The following TRHDE variants were observed in gnomAD, a reference collection of about 807,000 sequenced individuals.
TRHDE encodes the protein thyrotropin-releasing hormone-degrading ectoenzyme.
A neutral mutation model predicts 125.7 loss-of-function variants in TRHDE; 72 were observed. The observed-to-expected ratio is 0.57, with a 90% confidence interval of 0.47 to 0.70. TRHDE has a LOEUF of 0.70. Among genes scored for constraint, TRHDE ranks in the 30% least tolerant of loss-of-function variants. The probability of loss-of-function intolerance (pLI) is 0.00; values close to 1 mark genes in which losing one functional copy is unlikely to be tolerated. For synonymous variants in TRHDE, 509 were observed against 509.1 expected, an observed-to-expected ratio of 1.00 and a Z score of 0.00; for missense variants, 1,110 against 1,327.1, an observed-to-expected ratio of 0.84 and a Z score of 2.54.
At chr12:72,580,511 G>A (rs1871176180) in intron 12 of TRHDE, among the ~76,000 whole-genome samples, 1 of 152,196 alleles carries the variant, frequency 6.6e-6, no homozygotes, top group Admixed American at 6.5e-5. Context: ...GCATGATCTT[G>A]TCTCACTGCA....
chr12:72,444,983 T>C (rs1366659501), intron 3 of TRHDE, among the ~76,000 whole-genome samples: 1 of 151,940 alleles, frequency 6.6e-6, no homozygotes, highest in Non-Finnish European at 1.5e-5. Flanking sequence ...CATGATTCTC[T>C]CAGCCTGCTT....
intron 2 of TRHDE, among the ~76,000 whole-genome samples, chr12:72,165,957 G>A (rs967467548): frequency 2.6e-5 from 4 of 152,108 alleles, no homozygotes; most frequent in Admixed American, 2.6e-4. Context: ...TTACAGGTGT[G>A]AGCCACCGCC....
chr12:72,370,162 T>A (rs957981508), intron 2 of TRHDE, among the ~76,000 whole-genome samples: 6 of 152,142 alleles, frequency 3.9e-5, no homozygotes, highest in Admixed American at 3.9e-4. Flanking sequence ...ACAGATAAGG[T>A]GAATGATTGT....
chr12:72,199,944 A>G (rs1321405847), intron 2 of TRHDE, among the ~76,000 whole-genome samples: 3 of 152,140 alleles, frequency 2.0e-5, no homozygotes, highest in Admixed American at 6.5e-5. Flanking sequence ...AATTTGGTCA[A>G]TTGTGAAATT....
At chr12:72,268,527 A>G (rs1378113564), upstream of TRHDE, among the ~76,000 whole-genome samples, 1 of 152,088 alleles carries the variant, frequency 6.6e-6, no homozygotes, top group Non-Finnish European at 1.5e-5. Context: ...ACAATAGAGG[A>G]AGATGAAGGT....
intron 7 of TRHDE, among the ~76,000 whole-genome samples, chr12:72,542,825 T>G (rs1046582926): frequency 6.6e-6 from 1 of 151,316 alleles, no homozygotes; most frequent in Admixed American, 6.6e-5. Context: ...TTTAATTGTT[T>G]TTATTTTAAT....
chr12:72,237,469 G>C (rs1878356883), intron 2 of TRHDE, among the ~76,000 whole-genome samples: 1 of 152,168 alleles, frequency 6.6e-6, no homozygotes, highest in Non-Finnish European at 1.5e-5. Flanking sequence ...CTATAACATT[G>C]TGTGGCATTT....
chr12:72,176,275 G>C (rs1876984977), intron 2 of TRHDE, among the ~76,000 whole-genome samples: 1 of 152,182 alleles, frequency 6.6e-6, no homozygotes, highest in African/African-American at 2.4e-5. Context: ...GGAAGCCTAG[G>C]TAAGAGGATC....
At chr12:72,318,346 A>G (rs1379467330) in intron 2 of TRHDE, among the ~76,000 whole-genome samples, 2 of 152,204 alleles carry the variant, frequency 1.3e-5, no homozygotes, top group Admixed American at 6.5e-5. Context: ...GAAGGCAGAT[A>G]AGTGCAGGCA....
At chr12:72,591,332 T>C (rs905643951) in intron 12 of TRHDE, among the ~76,000 whole-genome samples, 1 of 152,200 alleles carries the variant, frequency 6.6e-6, no homozygotes, top group Non-Finnish European at 1.5e-5. Context: ...TTACTCTACA[T>C]ACTATAATAA....
intron 15 of TRHDE, among the ~76,000 whole-genome samples, chr12:72,647,346 T>C (rs1874323727): frequency 6.6e-6 from 1 of 151,952 alleles, no homozygotes; most frequent in South Asian, 2.1e-4. Context: ...GAGGGAAGTT[T>C]ATTGTGATAA....
At chr12:72,360,421 T>C (rs1211820908) in intron 2 of TRHDE, among the ~76,000 whole-genome samples, 2 of 151,590 alleles carry the variant, frequency 1.3e-5, no homozygotes, top group African/African-American at 4.8e-5. Context: ...ACAGGTAAAA[T>C]AGGCAGTTTG....
At chr12:72,607,834 C>A (rs1048737315) in intron 12 of TRHDE, among the ~76,000 whole-genome samples, 1 of 152,070 alleles carries the variant, frequency 6.6e-6, no homozygotes, top group Non-Finnish European at 1.5e-5. Context: ...TCTTTTAAAG[C>A]CTTTCCAAGC....
chr12:72,460,626 CAACCTGTATTCTCTGAGAT>C (rs1876083522), intron 3 of TRHDE, among the ~76,000 whole-genome samples: 1 of 152,120 alleles, frequency 6.6e-6, no homozygotes, highest in Non-Finnish European at 1.5e-5. Context: ...ACCTTACATT[CAACCTGTATTCTCTGAGAT>C]AACAGCAAAT....
At chr12:72,380,734 GCTTCCTTCCTTC>G (rs1227111391) in intron 3 of TRHDE, among the ~76,000 whole-genome samples, 6 of 82,138 alleles carry the variant, frequency 7.3e-5, no homozygotes, top group East Asian at 3.0e-4. Flanking sequence ...TTCCTTCCTT[GCTTCCTTCCTTC>G]CTTCCTTCCT....
At chr12:72,435,841 A>G (rs1874718194) in intron 3 of TRHDE, among the ~76,000 whole-genome samples, 1 of 152,006 alleles carries the variant, frequency 6.6e-6, no homozygotes, top group Admixed American at 6.6e-5. Context: ...CAATATGAAA[A>G]CCAGTTCCCA....
At chr12:72,408,799 G>A (rs996441036) in intron 3 of TRHDE, among the ~76,000 whole-genome samples, 7 of 152,118 alleles carry the variant, frequency 4.6e-5, no homozygotes, top group African/African-American at 1.7e-4. Flanking sequence ...CTGAAGATCA[G>A]TCAGAATAAC....
At chr12:72,469,616 C>T (rs2135897107) in intron 3 of TRHDE, 142 bp from the exon 4 acceptor site, 4 of 766,594 alleles carry the variant, frequency 5.2e-6, no homozygotes, top group Non-Finnish European at 8.4e-6. Context: ...GTAAAAATGG[C>T]AAGTAGTTTA....
chr12:72,504,559 C>A (rs1307510810), intron 6 of TRHDE, among the ~76,000 whole-genome samples: 1 of 152,162 alleles, frequency 6.6e-6, no homozygotes, highest in African/African-American at 2.4e-5. Context: ...GCCTCAGCCT[C>A]CCAAAGTGCT....
Sources: gnomAD v4.1 joint callset for allele counts (sites outside exome capture counted in the v4.1 genomes callset) on GRCh38, gnomAD v4.1.1 for gene constraint, MANE v1.5 for transcripts, NCBI Gene and HGNC (gene_info 2026-07-23, HGNC 2026-07-21) for gene names.